NXN: variants seen among roughly 807,000 people sequenced by gnomAD.
NXN encodes the protein nucleoredoxin.
A neutral mutation model predicts 48.6 loss-of-function variants in NXN; 16 were observed. The ratio of observed to expected loss-of-function variants is 0.33; its 90% CI spans 0.22 to 0.50. NXN has a LOEUF of 0.50. NXN is among the 20% of genes least tolerant of loss of function. The pLI is 0.98. For missense variants in NXN, 492 were observed against 605.5 expected, an observed-to-expected ratio of 0.81 and a Z score of 1.97; for synonymous variants, 281 against 269.6, an observed-to-expected ratio of 1.04 and a Z score of -0.41.
rs935029867 is a variant in NXN, at chr17:932,211, G to A, written c.360+47108C>T. On this transcript the variant is annotated intron_variant, in intron 1 of 7. Transcript: ENST00000336868. This position sits in a 1 kb window ranked among gnomAD's most constrained non-coding sequence, Gnocchi z 4.1. ...TTGGAATCCTGGAAAAAAAAGCTAA[G>A]GCAAAGCTGATCTGAAGAGTCTGTC... 6.6e-5 allele frequency among the ~76,000 whole-genome samples: 10 copies of A among 152,160 alleles called. No homozygotes were observed. Among genetic ancestry groups the A allele is most frequent in the Non-Finnish European group, 1.0e-4 (7 of 68,022 alleles).
Position 967,472 on chromosome 17 carries a change from G to T in NXN, c.360+11847C>A, listed in dbSNP as rs191924046. The stretch of plus-strand genomic sequence containing the variant: ...GGACCTCTCACCCACAGGAAACTCA[G>T]ACCCTTCTGAACCCAGGAGTTGATA... On this transcript the variant is annotated intron_variant, in intron 1 of 7. Coordinates refer to ENST00000336868, the MANE Select transcript of NXN (RefSeq NM_022463.5). 1.2e-4 allele frequency among the ~76,000 whole-genome samples: 19 copies of T among 152,344 alleles called. No homozygotes were observed. The East Asian group carries it at 2.7e-3, about 22-fold the overall frequency.
intron 1 of NXN, among the ~76,000 whole-genome samples, chr17:902,706 G>A (rs904495169): frequency 6.7e-6 from 1 of 150,258 alleles, no homozygotes; most frequent in African/African-American, 2.5e-5. Context: ...CCCATCATCA[G>A]CCCCTCCCAT....
chr17:924,187 T>C (rs2068775036), intron 1 of NXN, among the ~76,000 whole-genome samples: 1 of 151,900 alleles, frequency 6.6e-6, no homozygotes, highest in Non-Finnish European at 1.5e-5. Context: ...GGACCACAGG[T>C]GTGTATCACC....
At chr17:914,402 T>C (rs1007547739) in intron 1 of NXN, among the ~76,000 whole-genome samples, 4 of 151,946 alleles carry the variant, frequency 2.6e-5, no homozygotes, top group African/African-American at 9.7e-5. Flanking sequence ...ACTCCTGACC[T>C]CAGGTGATCC....
Position 889,727 on chromosome 17 carries a change from GAA to G in NXN, c.361-63651_361-63650del, listed in dbSNP as rs796683347. On this transcript the variant is annotated intron_variant, in intron 1 of 7. Coordinates refer to ENST00000336868, the MANE Select transcript of NXN (RefSeq NM_022463.5). ...AGAAAGAAAGAAAGAAAGAAAGAAA[GAA>G]AGAAAGAAAGAAAGAAAGAAAGAAA... is the stretch of plus-strand genomic sequence containing the variant. Among the ~76,000 whole-genome samples, 123 of 67,302 alleles carry G rather than the reference GAA, an allele frequency of 1.8e-3. 5 individuals are homozygous for G. The highest frequency in any genetic ancestry group is 7.0e-3 in the African/African-American group (91 of 13,038). The allele number at this position is 67,302 out of a possible 152,430, so 44.2% of individuals were successfully genotyped here. A position where few individuals can be genotyped will look rare whatever the true frequency, so the allele number is the denominator to read the frequency against.
At chr17:812,648 A>G (rs367850314) in intron 5 of NXN, among the ~76,000 whole-genome samples, 4 of 123,294 alleles carry the variant, frequency 3.2e-5, no homozygotes, top group Non-Finnish European at 7.2e-5. Context: ...GTGAGTGTGC[A>G]TGTGTGTGAC....
At chr17:924,724 GTTCC>G (rs1759919214) in intron 1 of NXN, among the ~76,000 whole-genome samples, 1 of 151,844 alleles carries the variant, frequency 6.6e-6, no homozygotes, top group African/African-American at 2.4e-5. Flanking sequence ...ACTCCGTTCC[GTTCC>G]GTTCCGTTCC....
intron 1 of NXN, among the ~76,000 whole-genome samples, chr17:952,963 T>A (rs1456940129): frequency 1.3e-5 from 2 of 151,938 alleles, no homozygotes. Context: ...AGATAATACA[T>A]GAAAAGCAGT....
intron 1 of NXN, among the ~76,000 whole-genome samples, chr17:933,742 G>A (rs57495823): frequency 0.12 from 18,039 of 151,962 alleles, 1,328 homozygotes; most frequent in Middle Eastern, 0.23. Flanking sequence ...TTATTCACGA[G>A]GCACTAACTA....
chr17:835,761 G>A (rs1186695771), intron 1 of NXN, among the ~76,000 whole-genome samples: 1 of 87,624 alleles, frequency 1.1e-5, no homozygotes, highest in African/African-American at 5.2e-5. Flanking sequence ...CCCCCACAGA[G>A]GCCGCAGGGG....
At chr17:955,770 C>T (rs562044938) in intron 1 of NXN, among the ~76,000 whole-genome samples, 7 of 152,028 alleles carry the variant, frequency 4.6e-5, no homozygotes, top group South Asian at 4.2e-4. Flanking sequence ...GGCGTGGTGG[C>T]GGGCGCCTGT....
At chr17:902,202 A>G (rs1597227153) in intron 1 of NXN, among the ~76,000 whole-genome samples, 1 of 152,186 alleles carries the variant, frequency 6.6e-6, no homozygotes, top group East Asian at 1.9e-4. Flanking sequence ...TTCATTATTC[A>G]CTGCTCCCAC....
intron 1 of NXN, among the ~76,000 whole-genome samples, chr17:856,767 G>T (rs979563759): frequency 2.0e-5 from 3 of 151,990 alleles, no homozygotes; most frequent in Admixed American, 2.0e-4. Context: ...GGAGTGAGCC[G>T]CCGGCCACGC....
chr17:866,189 AT>A (rs955675716), intron 1 of NXN, among the ~76,000 whole-genome samples: 63 of 149,784 alleles, frequency 4.2e-4, no homozygotes, highest in South Asian at 1.9e-3. Flanking sequence ...AAGATATTAG[AT>A]TTTTTTTTTT....
intron 1 of NXN, among the ~76,000 whole-genome samples, chr17:853,208 T>C (rs2067943937): frequency 6.6e-6 from 1 of 152,084 alleles, no homozygotes; most frequent in South Asian, 2.1e-4. Flanking sequence ...TCCCGGTACT[T>C]TGGGAGGCGT....
At chr17:976,215 G>C (rs1032336454) in intron 1 of NXN, among the ~76,000 whole-genome samples, 1 of 149,714 alleles carries the variant, frequency 6.7e-6, no homozygotes, top group African/African-American at 2.5e-5. Flanking sequence ...TTTTCTCACA[G>C]TTCCTGTCAA....
At chr17:879,498 G>A (rs1205791151) in intron 1 of NXN, among the ~76,000 whole-genome samples, 1 of 151,902 alleles carries the variant, frequency 6.6e-6, no homozygotes, top group East Asian at 2.0e-4. Context: ...AGTTGGCCAG[G>A]CTGGTCTTGA....
At chr17:907,302 A>G (rs185343748) in intron 1 of NXN, among the ~76,000 whole-genome samples, 1 of 151,490 alleles carries the variant, frequency 6.6e-6, no homozygotes, top group Non-Finnish European at 1.5e-5. Context: ...GCTTCTTGCA[A>G]TATTTTAGGA....
chr17:871,632 T>C (rs931441508), intron 1 of NXN, among the ~76,000 whole-genome samples: 1 of 151,950 alleles, frequency 6.6e-6, no homozygotes, highest in Admixed American at 6.6e-5. Context: ...CTCGAACTCC[T>C]GACCTCAGGT....
Sources: allele counts gnomAD v4.1 joint callset (sites outside exome capture counted in the v4.1 genomes callset), GRCh38; gene constraint gnomAD v4.1.1; non-coding constraint Gnocchi (gnomAD v3.1); transcripts MANE v1.5; gene names NCBI Gene and HGNC (gene_info 2026-07-23, HGNC 2026-07-21).